CELF4: variants seen among roughly 807,000 people sequenced by gnomAD.
The protein encoded by CELF4 is CUG-BP- and ETR-3-like factor 4.
In CELF4, 18 loss-of-function variants were observed where a neutral mutation model predicts 59.9. The ratio of observed to expected loss-of-function variants is 0.30; its 90% CI spans 0.21 to 0.45. CELF4 has a LOEUF of 0.45. Among genes scored for constraint, CELF4 ranks in the 20% least tolerant of loss-of-function variants. The pLI is 1.00. For synonymous variants in CELF4, 261 were observed against 267.1 expected (o/e 0.98, Z 0.22); for missense variants, 456 against 689.0 (o/e 0.66, Z 3.79).
At chr18:37,402,337 C>T (rs561337193) in intron 2 of CELF4, among the ~76,000 whole-genome samples, 9 of 152,226 alleles carry the variant, frequency 5.9e-5, no homozygotes, top group Non-Finnish European at 1.3e-4. Flanking sequence ...GATGCTCGCT[C>T]TTGCTCCTAA....
intron 2 of CELF4, among the ~76,000 whole-genome samples, chr18:37,351,469 G>T (rs2098439560): frequency 6.6e-6 from 1 of 152,064 alleles, no homozygotes; most frequent in Non-Finnish European, 1.5e-5. Flanking sequence ...TTTCCCACTG[G>T]TCATCTGTGT....
chr18:37,351,107 TG>T (rs2098430524), intron 2 of CELF4, among the ~76,000 whole-genome samples: 1 of 151,786 alleles, frequency 6.6e-6, no homozygotes, highest in African/African-American at 2.4e-5. Context: ...GCAAAGGTGC[TG>T]GTGGGGGAGA....
At chr18:37,348,206 A>G (rs1473856746) in intron 2 of CELF4, among the ~76,000 whole-genome samples, 2 of 148,884 alleles carry the variant, frequency 1.3e-5, no homozygotes, top group Admixed American at 1.3e-4. Flanking sequence ...TTACTATTTG[A>G]CCCCTCTTAG....
chr18:37,436,771 C>T (rs1015735648), intron 2 of CELF4, among the ~76,000 whole-genome samples: 8 of 152,080 alleles, frequency 5.3e-5, no homozygotes, highest in Admixed American at 1.3e-4. Flanking sequence ...AGAGGGAAGT[C>T]GGGGCACTTC....
chr18:37,343,954 C>T (rs1342647674), intron 2 of CELF4, among the ~76,000 whole-genome samples: 2 of 152,188 alleles, frequency 1.3e-5, no homozygotes, highest in Non-Finnish European at 2.9e-5. Context: ...CAGGAATGGT[C>T]TCTCTGCAAC....
chr18:37,540,954 AAGG>A lies in CELF4; in HGVS notation c.286+24399_286+24401del, dbSNP rs1013459931. Reference sequence around the variant, plus strand: ...CTGGAGGTGGAGTGGGGGCATGGGGAAGGAGGACTCCCAGCATCCTCTGTTCTA... The same window carrying A: ...CTGGAGGTGGAGTGGGGGCATGGGGAAGGACTCCCAGCATCCTCTGTTCTA... On this transcript the variant is annotated intron_variant, in intron 1 of 12. Coordinates refer to ENST00000420428, the MANE Select transcript of CELF4 (RefSeq NM_020180.4). 5.2e-4 allele frequency among the ~76,000 whole-genome samples: 79 copies of A among 152,088 alleles called. No individual in the cohort carries two copies. In the Middle Eastern group the frequency reaches 0.014, roughly 26 times the overall value.
intron 10 of CELF4, among the ~76,000 whole-genome samples, chr18:37,261,540 G>A (rs980973644): frequency 3.3e-5 from 5 of 152,214 alleles, no homozygotes; most frequent in Admixed American, 1.3e-4. Flanking sequence ...GAGCCCACAC[G>A]CTGTCTAACT....
intron 3 of CELF4, among the ~76,000 whole-genome samples, 196 bp downstream of exon 3, chr18:37,321,607 A>G (rs1341174603): frequency 6.6e-6 from 1 of 152,004 alleles, no homozygotes; most frequent in Non-Finnish European, 1.5e-5. Context: ...GAAGACCCCA[A>G]ACACCCCCCT....
At chr18:37,317,465 G>A (rs1436589302) in intron 3 of CELF4, among the ~76,000 whole-genome samples, 1 of 152,190 alleles carries the variant, frequency 6.6e-6, no homozygotes, top group Non-Finnish European at 1.5e-5. Context: ...ACAGCTTTGT[G>A]GATAATGACT....
chr18:37,485,211 T>G (rs1341789319), intron 2 of CELF4, among the ~76,000 whole-genome samples: 1 of 151,686 alleles, frequency 6.6e-6, no homozygotes, highest in East Asian at 2.0e-4. Context: ...ATGGGCGGAC[T>G]CGATCGCGCA....
chr18:37,543,200 G>A (rs2099978991), intron 1 of CELF4, among the ~76,000 whole-genome samples: 1 of 152,208 alleles, frequency 6.6e-6, no homozygotes, highest in Non-Finnish European at 1.5e-5. Context: ...GAAACAGGAA[G>A]CGTTCTTCGA....
chr18:37,341,332 C>T (rs908498487), intron 2 of CELF4, among the ~76,000 whole-genome samples: 13 of 152,164 alleles, frequency 8.5e-5, no homozygotes, highest in African/African-American at 2.7e-4. Flanking sequence ...GCTCAGCATG[C>T]GATGTGCTGC....
chr18:37,313,197 G>A (rs1053961611), intron 3 of CELF4, among the ~76,000 whole-genome samples: 3 of 152,186 alleles, frequency 2.0e-5, no homozygotes, highest in Middle Eastern at 3.2e-3. Context: ...AAATCAATGG[G>A]TAAGGACATG....
chr18:37,407,403 G>C (rs2099396793), intron 2 of CELF4, among the ~76,000 whole-genome samples: 1 of 152,132 alleles, frequency 6.6e-6, no homozygotes, highest in Admixed American at 6.5e-5. Context: ...TTCATGGGCT[G>C]TTGCTGGATG....
chr18:37,367,304 A>T (rs2098797328), intron 2 of CELF4, among the ~76,000 whole-genome samples: 1 of 151,722 alleles, frequency 6.6e-6, no homozygotes, highest in Non-Finnish European at 1.5e-5. Context: ...GGTGGGAAGG[A>T]TGGAGCAGCC....
At chr18:37,466,104 C>T (rs2099807856) in intron 2 of CELF4, among the ~76,000 whole-genome samples, 1 of 152,222 alleles carries the variant, frequency 6.6e-6, no homozygotes, top group South Asian at 2.1e-4. Flanking sequence ...AAGGGGCCAG[C>T]TAAGTCGCGC....
intron 1 of CELF4, among the ~76,000 whole-genome samples, chr18:37,539,898 T>A (rs1274409561): frequency 6.6e-6 from 1 of 152,030 alleles, no homozygotes; most frequent in Non-Finnish European, 1.5e-5. Flanking sequence ...TGGAGAGAGG[T>A]GATGATCAGG....
chr18:37,259,535 G>C (rs2072914099), intron 10 of CELF4, among the ~76,000 whole-genome samples: 1 of 152,186 alleles, frequency 6.6e-6, no homozygotes, highest in Admixed American at 6.5e-5. Context: ...ATCTGTAGCA[G>C]AGGCTTAGAA....
At chr18:37,558,677 G>A (rs2099985634) in intron 1 of CELF4, among the ~76,000 whole-genome samples, 1 of 151,944 alleles carries the variant, frequency 6.6e-6, no homozygotes, top group Non-Finnish European at 1.5e-5. Context: ...GAGGTGAAAG[G>A]AGTGGATTTT....
Sources: gnomAD v4.1 joint callset for allele counts (sites outside exome capture counted in the v4.1 genomes callset) on GRCh38, gnomAD v4.1.1 for gene constraint, MANE v1.5 for transcripts, NCBI Gene and HGNC (gene_info 2026-07-23, HGNC 2026-07-21) for gene names.